Variants in AKAP8 observed in about 807,000 individuals in gnomAD.
AKAP8 encodes A-kinase anchor protein 8.
AKAP8 carries 24 observed loss-of-function variants against 67.5 expected under a neutral mutation model. The ratio of observed to expected loss-of-function variants is 0.36; its 90% CI spans 0.26 to 0.50. The LOEUF (loss-of-function observed/expected upper bound fraction) is 0.50. Ranked by LOEUF, AKAP8 falls within the 20% of genes least tolerant of loss-of-function variation. The pLI, the probability that AKAP8 is intolerant of heterozygous loss-of-function variation, is 0.97. For synonymous variants in AKAP8, 400 were observed against 371.1 expected (o/e 1.08, Z -0.90); for missense variants, 971 against 955.9 (o/e 1.02, Z -0.21).
At chr19:15,363,469 T>G (rs1967012817) in intron 9 of AKAP8, among the ~76,000 whole-genome samples, 4 of 111,726 alleles carry the variant, frequency 3.6e-5, no homozygotes, top group Non-Finnish European at 5.3e-5. Context: ...AGCCGCCCCG[T>G]CCGGGAGGGA....
chr19:15,367,955 G>A (rs1255289660), intron 9 of AKAP8, among the ~76,000 whole-genome samples: 1 of 152,234 alleles, frequency 6.6e-6, no homozygotes, highest in South Asian at 2.1e-4. Context: ...GAGGAATAGA[G>A]ACACAGGAGT....
intron 4 of AKAP8, 100 bp from the exon 5 acceptor site, chr19:15,373,440 C>T: frequency 6.9e-7 from 1 of 1,452,126 alleles, no homozygotes; most frequent in Non-Finnish European, 9.1e-7. Flanking sequence ...AAACAGCAAA[C>T]CAAACCACCC....
intron 1 of AKAP8, among the ~76,000 whole-genome samples, chr19:15,378,768 CA>C (rs1967306106): frequency 1.3e-5 from 2 of 152,216 alleles, no homozygotes; most frequent in African/African-American, 4.8e-5. Context: ...CAGCATGTCC[CA>C]ACTATCCCCT....
At position 15,373,137 on chromosome 19, in the gene AKAP8, TGGCCCC is replaced by T. The variant is rs759504833; in HGVS notation, c.569_574del (p.Arg190_Gly191del). On this transcript the variant is annotated inframe_deletion, in exon 5 of 14. Coordinates refer to ENST00000269701, the MANE Select transcript of AKAP8 (RefSeq NM_005858.4). ...GTTGCTCCGGTCCTGGAAGCGGCCC[TGGCCCC>T]GGCCCCGCATGAAGCCATCAAGGGA... 2 of 1,612,936 alleles carry T rather than the reference TGGCCCC, an allele frequency of 1.2e-6. No homozygotes were observed. The highest frequency in any genetic ancestry group is 1.7e-6 in the Non-Finnish European group (2 of 1,179,902).
intron 2 of AKAP8, among the ~76,000 whole-genome samples, chr19:15,375,750 T>C (rs1046963271): frequency 2.6e-5 from 4 of 151,740 alleles, no homozygotes; most frequent in Admixed American, 2.6e-4. Flanking sequence ...CATTCTCCTG[T>C]CTCAGCCTCC....
chr19:15,357,428 C>CAAAAAA (rs59205660), intron 13 of AKAP8, among the ~76,000 whole-genome samples: 1 of 40,704 alleles, frequency 2.5e-5, no homozygotes, highest in Non-Finnish European at 4.0e-5. Context: ...GACTCCATCT[C>CAAAAAA]AAAAAAAAAA....
rs754612964 is a variant in AKAP8 at position 15,371,908 on chromosome 19, A to G, written c.1038+44T>C. 12 of 1,606,180 alleles carry G rather than the reference A, an allele frequency of 7.5e-6. No homozygotes were observed. In the South Asian group the frequency reaches 1.3e-4, roughly 18 times the overall value. ...GTGAGGAAGGGTGATTAAAGAAAGA[A>G]GAAATCCCACACTAGAGGCAAAAGG... On this transcript the variant is annotated intron_variant, in intron 7 of 13. Transcript: ENST00000269701.
chr19:15,373,620 G>A, intron 4 of AKAP8, 166 bp downstream of exon 4: 2 of 996,332 alleles, frequency 2.0e-6, no homozygotes, highest in South Asian at 1.7e-5. Context: ...AGAAAAGCAA[G>A]GAAGTCCTAC....
chr19:15,374,705 T>G (rs536615528), intron 2 of AKAP8, 70 bp from the exon 3 acceptor site: 1 of 1,570,316 alleles, frequency 6.4e-7, no homozygotes, highest in Admixed American at 1.7e-5. Context: ...AGCTGTCACC[T>G]TGCTCCACCC....
rs1022242020 is a variant in AKAP8, at chr19:15,369,266, C to T, written c.1072+880G>A. The stretch of plus-strand genomic sequence containing the variant: ...TGTCACCTTTGCTTTAGCATTGTGC[C>T]GCTAAGCGCTCGGGGCGCCCCGTGC... On this transcript the variant is annotated intron_variant, in intron 8 of 13. Coordinates refer to ENST00000269701, the MANE Select transcript of AKAP8 (RefSeq NM_005858.4). The surrounding 1 kb of genome is among the most constrained non-coding windows in gnomAD (Gnocchi z 4.6). The T allele has an allele frequency of 8.2e-5, 81 of 985,476 alleles. No homozygotes were observed. The South Asian group carries it at 1.6e-3, about 19-fold the overall frequency. 61.0% of individuals were successfully genotyped at this position (985,476 alleles called of 1,614,324 possible). A position where few individuals can be genotyped will look rare whatever the true frequency, so the allele number is the denominator to read the frequency against.
chr19:15,368,168 T>A, intron 9 of AKAP8, 67 bp downstream of exon 9: 1 of 1,588,294 alleles, frequency 6.3e-7, no homozygotes, highest in Middle Eastern at 1.7e-4. Context: ...CGAGGACAGG[T>A]GAGCTCGGCA....
chr19:15,358,236 T>C (rs1299954072), intron 13 of AKAP8, among the ~76,000 whole-genome samples: 1 of 152,186 alleles, frequency 6.6e-6, no homozygotes, highest in African/African-American at 2.4e-5. Context: ...TTCGATATGC[T>C]GCTCCCATCA....
At chr19:15,370,102 C>A in intron 8 of AKAP8, 44 bp downstream of exon 8, 1 of 1,612,708 alleles carries the variant, frequency 6.2e-7, no homozygotes, top group Non-Finnish European at 8.5e-7. Flanking sequence ...TGCGGGGCAG[C>A]TGGGAAGACA....
chr19:15,369,346 G>A lies in AKAP8; in HGVS notation c.1072+800C>T. On this transcript the variant is annotated intron_variant, in intron 8 of 13. Coordinates refer to ENST00000269701, the MANE Select transcript of AKAP8 (RefSeq NM_005858.4). This position sits in a 1 kb window ranked among gnomAD's most constrained non-coding sequence, Gnocchi z 4.6. Reference sequence around the variant, plus strand: ...GGGAGGACCGCAGAGGGCTGGCAAAGCCTGAACAGGAGGAACATCTAAGCC... The same window carrying A: ...GGGAGGACCGCAGAGGGCTGGCAAAACCTGAACAGGAGGAACATCTAAGCC... The A allele has an allele frequency of 1.2e-6, 1 of 806,266 alleles. No individual in the cohort carries two copies. Among genetic ancestry groups the A allele is most frequent in the South Asian group, 5.7e-5 (1 of 17,628 alleles). The allele number at this position is 806,266 out of a possible 1,614,324, so 49.9% of individuals were successfully genotyped here.
chr19:15,375,266 A>G (rs1033737136), intron 2 of AKAP8, among the ~76,000 whole-genome samples: 1 of 152,168 alleles, frequency 6.6e-6, no homozygotes, highest in Non-Finnish European at 1.5e-5. Context: ...CAAGCCTAGC[A>G]TCATGGCCCT....
chr19:15,371,971 CCTGAGCGGAAGTCACCAG>C lies in AKAP8; in HGVS notation c.1001_1018del (p.Ala334_Ser339del). ...ACTTACACCCTTGAATTCTTCATCT[CCTGAGCGGAAGTCACCAG>C]CTGCGTCATCTGCCAGACACAAAGA... On this transcript the variant is annotated inframe_deletion, in exon 7 of 14. Coordinates refer to ENST00000269701, the MANE Select transcript of AKAP8 (RefSeq NM_005858.4). The C allele has an allele frequency of 6.2e-7, 1 of 1,614,108 alleles. No individual in the cohort carries two copies. Among genetic ancestry groups the C allele is most frequent in the Non-Finnish European group, 8.5e-7 (1 of 1,180,018 alleles).
chr19:15,372,840 C>A lies in AKAP8; in HGVS notation c.861+11G>T, dbSNP rs372664920. ...GCGAAGGCGGCCGGAAGGAACCTTG[C>A]GAGGGCTTACCCGATCCCGATCCCG... is the stretch of plus-strand genomic sequence containing the variant. On this transcript the variant is annotated intron_variant, in intron 5 of 13. Coordinates refer to ENST00000269701, the MANE Select transcript of AKAP8 (RefSeq NM_005858.4). The A allele has an allele frequency of 1.3e-6, 2 of 1,490,080 alleles. No homozygotes were observed. Among genetic ancestry groups the A allele is most frequent in the Admixed American group, 2.5e-5 (1 of 39,714 alleles). 92.3% of individuals were successfully genotyped at this position (1,490,080 alleles called of 1,614,324 possible). A position where few individuals can be genotyped will look rare whatever the true frequency, so the allele number is the denominator to read the frequency against.
intron 6 of AKAP8, 103 bp from the exon 7 acceptor site, chr19:15,372,101 G>A: frequency 6.2e-7 from 1 of 1,608,762 alleles, no homozygotes; most frequent in Non-Finnish European, 8.5e-7. Context: ...CCTGACCACA[G>A]TGGGGTTGAA....
chr19:15,354,295 C>T lies in AKAP8; in HGVS notation c.*620G>A, dbSNP rs1352381327. 1 of 153,620 alleles carries T rather than the reference C, an allele frequency of 6.5e-6. No homozygotes were observed. Among genetic ancestry groups the T allele is most frequent in the Non-Finnish European group, 1.4e-5 (1 of 68,996 alleles). The allele number at this position is 153,620 out of a possible 1,614,324, so 9.5% of individuals were successfully genotyped here. A position where few individuals can be genotyped will look rare whatever the true frequency, so the allele number is the denominator to read the frequency against. ...AAAGATTGGGACGCAATGCCCTCTGCACAGTCTGGTTCTTGAGGTTGCGGT... is the reference window on the plus strand; with the variant it reads ...AAAGATTGGGACGCAATGCCCTCTGTACAGTCTGGTTCTTGAGGTTGCGGT... On this transcript the variant is annotated 3_prime_UTR_variant, in exon 14 of 14. Transcript: ENST00000269701.
Sources: allele counts gnomAD v4.1 joint callset (sites outside exome capture counted in the v4.1 genomes callset), GRCh38; gene constraint gnomAD v4.1.1; non-coding constraint Gnocchi (gnomAD v3.1); transcripts MANE v1.5; gene names NCBI Gene and HGNC (gene_info 2026-07-23, HGNC 2026-07-21).